The following UGGT2 variants were observed in gnomAD, a reference collection of about 807,000 sequenced individuals.
UGGT2 encodes the protein UDP-glucose glycoprotein glucosyltransferase 2.
UGGT2 carries 180 observed loss-of-function variants against 192.1 expected under a neutral mutation model. The ratio of observed to expected loss-of-function variants is 0.94; its 90% CI spans 0.83 to 1.06. The LOEUF (loss-of-function observed/expected upper bound fraction) is 1.06, where lower values mean the gene tolerates loss of function less well. Ranked by LOEUF, UGGT2 falls within the 50% of genes least tolerant of loss-of-function variation. The pLI, the probability that UGGT2 is intolerant of heterozygous loss-of-function variation, is 0.00. For synonymous variants in UGGT2, 580 were observed against 591.0 expected (o/e 0.98, Z 0.27); for missense variants, 1,849 against 1,795.7 (o/e 1.03, Z -0.54).
At chr13:95,958,252 T>G (rs907076823) in intron 12 of UGGT2, among the ~76,000 whole-genome samples, 1 of 151,926 alleles carries the variant, frequency 6.6e-6, no homozygotes, top group Non-Finnish European at 1.5e-5. Context: ...CCTAGGTTCA[T>G]GCCATTCTCC....
intron 33 of UGGT2, among the ~76,000 whole-genome samples, chr13:95,858,528 C>T (rs1222329916): frequency 1.3e-5 from 2 of 152,094 alleles, no homozygotes; most frequent in Non-Finnish European, 2.9e-5. Flanking sequence ...AGTACCCTCA[C>T]ACACTGTTGC....
rs762941103 is a variant in UGGT2, at chr13:95,970,228, T to C, written c.1219A>G (p.Met407Val). 2 of 1,612,998 alleles carry C rather than the reference T, an allele frequency of 1.2e-6. No individual in the cohort carries two copies. The highest frequency in any genetic ancestry group is 1.1e-5 in the South Asian group (1 of 90,944). The change falls in exon 12 of 39, where the codon ATG becomes GTG. Residue 407 changes from methionine (M) to valine (V), a missense_variant. By Grantham distance (21) the Met-to-Val change is conservative. Transcript: ENST00000376747. Reference sequence around the variant, plus strand: ...ATCCCAAGATTGCGAAGGCCATTCATCATTTTTCCTTCTAATTTCAGCATA... The same window carrying C: ...ATCCCAAGATTGCGAAGGCCATTCACCATTTTTCCTTCTAATTTCAGCATA... ...LDMLKLEGKM[M>V]NGLRNLGING...
At chr13:95,982,592 T>C (rs1440871275) in intron 10 of UGGT2, among the ~76,000 whole-genome samples, 1 of 152,072 alleles carries the variant, frequency 6.6e-6, no homozygotes, top group Non-Finnish European at 1.5e-5. Context: ...ATTTGTAAAA[T>C]CCAGTGCACT....
At chr13:95,864,289 T>G (rs2140099448) in intron 30 of UGGT2, among the ~76,000 whole-genome samples, 1 of 152,308 alleles carries the variant, frequency 6.6e-6, no homozygotes, top group African/African-American at 2.4e-5. Context: ...ACTTTAGCAT[T>G]TGTAAATATT....
chr13:96,050,450 C>G (rs1416120428), intron 1 of UGGT2, among the ~76,000 whole-genome samples: 2 of 152,146 alleles, frequency 1.3e-5, no homozygotes, highest in Non-Finnish European at 2.9e-5. Flanking sequence ...ACACCAAAAG[C>G]AATGGCAACA....
Position 95,921,055 on chromosome 13 carries a change from G to A in UGGT2, c.2295+4625C>T, listed in dbSNP as rs1269031572. Among the ~76,000 whole-genome samples, 3 of 152,250 alleles carry A rather than the reference G, an allele frequency of 2.0e-5. No individual in the cohort carries two copies. In the East Asian group the frequency reaches 5.8e-4, roughly 29 times the overall value. On this transcript the variant is annotated intron_variant, in intron 20 of 38. Transcript: ENST00000376747. ...CACATCCTTTGCAGGGACACAGAAG[G>A]AGTTGGAAGCCATTATCCTCAGCAA... is the stretch of plus-strand genomic sequence containing the variant.
chr13:95,909,655 T>G (rs558450589), intron 20 of UGGT2, among the ~76,000 whole-genome samples: 24 of 144,502 alleles, frequency 1.7e-4, no homozygotes, highest in African/African-American at 5.9e-4. Flanking sequence ...TAATGCTAGA[T>G]GACGAGTTAG....
chr13:95,995,448 G>A (rs562356), intron 7 of UGGT2: 147,815 of 152,174 alleles, frequency 0.97, 71,943 homozygotes, highest in East Asian at 1. Flanking sequence ...GTTCTGGGAA[G>A]TGAACACATT....
intron 29 of UGGT2, among the ~76,000 whole-genome samples, chr13:95,872,673 T>C (rs897136232): frequency 1.3e-5 from 2 of 152,172 alleles, no homozygotes; most frequent in Non-Finnish European, 2.9e-5. Context: ...AGTTTGTAAG[T>C]TATTTCTACT....
intron 5 of UGGT2, among the ~76,000 whole-genome samples, chr13:96,006,623 C>CAAAAAAAA (rs61256349): frequency 1.1e-5 from 1 of 93,466 alleles, no homozygotes. Context: ...GATTCTGCCT[C>CAAAAAAAA]AAAAAAAAAA....
chr13:95,882,764 C>G (rs2047529973), intron 27 of UGGT2, among the ~76,000 whole-genome samples: 1 of 152,186 alleles, frequency 6.6e-6, no homozygotes, highest in Admixed American at 6.5e-5. Context: ...TCTCCATCAG[C>G]TGTTGAATAG....
chr13:95,960,810 G>T (rs2050367179), intron 12 of UGGT2, among the ~76,000 whole-genome samples: 1 of 152,094 alleles, frequency 6.6e-6, no homozygotes, highest in South Asian at 2.1e-4. Context: ...AGCATCTAGT[G>T]GGAACACCCA....
chr13:95,924,662 G>C (rs927251060), intron 20 of UGGT2, among the ~76,000 whole-genome samples: 2 of 152,012 alleles, frequency 1.3e-5, no homozygotes, highest in African/African-American at 4.8e-5. Flanking sequence ...TTTGAGGCTA[G>C]ATTATAAATG....
chr13:95,968,577 C>T (rs2050664655), intron 12 of UGGT2, among the ~76,000 whole-genome samples: 1 of 152,156 alleles, frequency 6.6e-6, no homozygotes, highest in African/African-American at 2.4e-5. Context: ...ATGGCACCTA[C>T]CCTCCAACAC....
chr13:96,028,852 T>A (rs1485989843), intron 2 of UGGT2, among the ~76,000 whole-genome samples: 1 of 151,938 alleles, frequency 6.6e-6, no homozygotes, highest in African/African-American at 2.4e-5. Context: ...TTCAGTAAAA[T>A]CTGCTCATTA....
At chr13:96,048,842 A>G (rs888741000) in intron 1 of UGGT2, among the ~76,000 whole-genome samples, 1 of 151,664 alleles carries the variant, frequency 6.6e-6, no homozygotes, top group Non-Finnish European at 1.5e-5. Flanking sequence ...AGGCAATAAT[A>G]GCCTACCAAA....
chr13:96,036,400 T>C (rs1432487246), intron 1 of UGGT2, among the ~76,000 whole-genome samples: 1 of 151,980 alleles, frequency 6.6e-6, no homozygotes, highest in Non-Finnish European at 1.5e-5. Flanking sequence ...TGGACTCTGT[T>C]GGAAAGGTGC....
intron 22 of UGGT2, among the ~76,000 whole-genome samples, chr13:95,899,554 A>G (rs2048044277): frequency 6.6e-6 from 1 of 152,110 alleles, no homozygotes; most frequent in African/African-American, 2.4e-5. Context: ...ATTAATGTCA[A>G]TAACACTATA....
chr13:95,830,040 T>C (rs1191871345), intron 38 of UGGT2, among the ~76,000 whole-genome samples: 1 of 152,240 alleles, frequency 6.6e-6, no homozygotes, highest in Admixed American at 6.5e-5. Context: ...AAGGATTCCT[T>C]ATTTAATAAA....
Sources: allele counts gnomAD v4.1 joint callset (sites outside exome capture counted in the v4.1 genomes callset), GRCh38; gene constraint gnomAD v4.1.1; transcripts MANE v1.5; gene names NCBI Gene and HGNC (gene_info 2026-07-23, HGNC 2026-07-21).